Variants in STK32B observed in about 807,000 individuals in gnomAD.
STK32B encodes serine/threonine-protein kinase 32B.
Under a neutral mutation model 52.6 loss-of-function variants are expected in STK32B, and 43 were observed. The observed-to-expected ratio is 0.82, with a 90% CI of 0.64 to 1.05. The LOEUF (loss-of-function observed/expected upper bound fraction) is 1.05. STK32B is among the 50% of genes least tolerant of loss of function. The pLI is 0.00. For synonymous variants in STK32B, 238 were observed against 204.3 expected, an observed-to-expected ratio of 1.17 and a Z score of -1.41; for missense variants, 621 against 534.6, an observed-to-expected ratio of 1.16 and a Z score of -1.59.
intron 1 of STK32B, among the ~76,000 whole-genome samples, chr4:5,136,792 GTCT>G (rs1376068105): frequency 4.6e-5 from 7 of 152,146 alleles, no homozygotes; most frequent in Non-Finnish European, 8.8e-5. Flanking sequence ...TATTCAAAGT[GTCT>G]TCTTTTAGGT....
At chr4:5,230,491 C>T (rs566043172) in intron 3 of STK32B, among the ~76,000 whole-genome samples, 1 of 152,116 alleles carries the variant, frequency 6.6e-6, no homozygotes, top group South Asian at 2.1e-4. Flanking sequence ...CACCCGGCCA[C>T]ATTCCACTTT....
chr4:5,191,343 C>T (rs1161283730), intron 3 of STK32B, among the ~76,000 whole-genome samples: 26 of 152,026 alleles, frequency 1.7e-4, no homozygotes, highest in African/African-American at 4.8e-4. Flanking sequence ...CTCTGCCTCC[C>T]GGGTTCACAC....
chr4:5,446,804 C>T (rs754304340), intron 7 of STK32B, 28 bp downstream of exon 7: 25 of 1,608,770 alleles, frequency 1.6e-5, no homozygotes, highest in Non-Finnish European at 2.0e-5. Flanking sequence ...GCGGTACACA[C>T]GAGGGGCTGT....
intron 3 of STK32B, among the ~76,000 whole-genome samples, chr4:5,260,780 C>T (rs1316007711): frequency 1.3e-5 from 2 of 152,078 alleles, no homozygotes; most frequent in Non-Finnish European, 1.5e-5. Flanking sequence ...AGAAGGAGGT[C>T]TACTAAGGGG....
intron 3 of STK32B, among the ~76,000 whole-genome samples, chr4:5,174,851 C>T (rs1719703618): frequency 6.6e-6 from 1 of 152,116 alleles, no homozygotes; most frequent in South Asian, 2.1e-4. Context: ...GTTGGCCTGC[C>T]TTGCTAGATT....
intron 11 of STK32B, among the ~76,000 whole-genome samples, chr4:5,480,180 T>A (rs1319266034): frequency 1.3e-5 from 2 of 152,174 alleles, no homozygotes; most frequent in Non-Finnish European, 2.9e-5. Flanking sequence ...GTGTCAGACA[T>A]TATCTTCTTT....
At chr4:5,372,679 C>T (rs1226350217) in intron 4 of STK32B, among the ~76,000 whole-genome samples, 2 of 149,214 alleles carry the variant, frequency 1.3e-5, no homozygotes, top group Non-Finnish European at 3.0e-5. Flanking sequence ...GTAATAACTG[C>T]ATCTACACAC....
intron 1 of STK32B, among the ~76,000 whole-genome samples, chr4:5,076,215 T>C (rs926549552): frequency 2.0e-5 from 3 of 152,192 alleles, no homozygotes; most frequent in African/African-American, 7.2e-5. Context: ...ATGGCATCCA[T>C]GTGAATGTAG....
chr4:5,361,654 A>G (rs747567110), intron 4 of STK32B, among the ~76,000 whole-genome samples: 2 of 152,204 alleles, frequency 1.3e-5, no homozygotes, highest in Admixed American at 1.3e-4. Flanking sequence ...GGCCTATTTC[A>G]ATTTTTTTTG....
At chr4:5,446,371 G>C (rs1560420055) in intron 6 of STK32B, among the ~76,000 whole-genome samples, 1 of 152,118 alleles carries the variant, frequency 6.6e-6, no homozygotes, top group Non-Finnish European at 1.5e-5. Context: ...TTCGAGACCA[G>C]CCTGGCCAAC....
intron 3 of STK32B, among the ~76,000 whole-genome samples, chr4:5,277,045 A>G (rs1008701447): frequency 6.6e-6 from 1 of 152,202 alleles, no homozygotes; most frequent in Non-Finnish European, 1.5e-5. Flanking sequence ...CTTTTATCTT[A>G]TGGAGTTCAT....
intron 3 of STK32B, among the ~76,000 whole-genome samples, chr4:5,211,979 A>G (rs1241315931): frequency 2.0e-5 from 3 of 152,206 alleles, no homozygotes; most frequent in African/African-American, 7.2e-5. Context: ...AGACTCACCA[A>G]TGAAAACTGA....
intron 3 of STK32B, among the ~76,000 whole-genome samples, chr4:5,176,114 A>G (rs966340438): frequency 1.3e-5 from 2 of 152,172 alleles, no homozygotes; most frequent in Admixed American, 1.3e-4. Flanking sequence ...TGCGGGATAT[A>G]ATCTCCTGGT....
intron 4 of STK32B, among the ~76,000 whole-genome samples, chr4:5,383,072 G>C (rs1002579990): frequency 6.6e-6 from 1 of 152,136 alleles, no homozygotes; most frequent in Non-Finnish European, 1.5e-5. Flanking sequence ...TTCAAACCAG[G>C]GCTCCCACAT....
chr4:5,405,936 C>G (rs1004696568), intron 5 of STK32B, among the ~76,000 whole-genome samples: 3 of 152,146 alleles, frequency 2.0e-5, no homozygotes, highest in Non-Finnish European at 4.4e-5. Context: ...GCCTTCCCAA[C>G]AGTCCTCCAA....
At chr4:5,405,179 T>G (rs1442299508) in intron 5 of STK32B, among the ~76,000 whole-genome samples, 4 of 151,822 alleles carry the variant, frequency 2.6e-5, no homozygotes, top group African/African-American at 9.7e-5. Context: ...TGAGACCTAG[T>G]AAGGGCTTCC....
chr4:5,446,813 G>A (rs370773455), intron 7 of STK32B, 37 bp downstream of exon 7: 2 of 1,599,368 alleles, frequency 1.3e-6, no homozygotes, highest in Middle Eastern at 1.7e-4. Flanking sequence ...ACGAGGGGCT[G>A]TGCAGTGGGG....
intron 1 of STK32B, among the ~76,000 whole-genome samples, chr4:5,098,669 C>T (rs534176933): frequency 2.0e-5 from 3 of 152,282 alleles, no homozygotes; most frequent in Admixed American, 6.5e-5. Flanking sequence ...AAATGTAGGC[C>T]ATGATTCTAA....
At chr4:5,310,807 T>C (rs1196366267) in intron 3 of STK32B, among the ~76,000 whole-genome samples, 1 of 152,176 alleles carries the variant, frequency 6.6e-6, no homozygotes, top group Non-Finnish European at 1.5e-5. Flanking sequence ...CACAAATAGA[T>C]GAATGGATAC....
Sources: allele counts gnomAD v4.1 joint callset (sites outside exome capture counted in the v4.1 genomes callset), GRCh38; gene constraint gnomAD v4.1.1; transcripts MANE v1.5; gene names NCBI Gene and HGNC (gene_info 2026-07-23, HGNC 2026-07-21).